RIT2: variants seen among roughly 807,000 people sequenced by gnomAD.
RIT2 encodes the protein GTP-binding protein Rit2.
In RIT2, 24 loss-of-function variants were observed where a neutral mutation model predicts 23.7. The observed-to-expected ratio is 1.01, with a 90% confidence interval of 0.73 to 1.43. The LOEUF is 1.43. RIT2 is among the 40% of genes most tolerant of loss of function. The pLI is 0.00. For missense variants in RIT2, 236 were observed against 266.9 expected (o/e 0.88, Z 0.81); for synonymous variants, 107 against 91.1 (o/e 1.17, Z -0.99).
chr18:42,818,384 T>C (rs1359397900), intron 4 of RIT2, among the ~76,000 whole-genome samples: 2 of 152,068 alleles, frequency 1.3e-5, no homozygotes, highest in African/African-American at 4.8e-5. Context: ...GATGCTTTTC[T>C]TCTGAGAAAT....
chr18:42,919,986 A>G (rs1332357991), intron 4 of RIT2, among the ~76,000 whole-genome samples: 3 of 152,084 alleles, frequency 2.0e-5, no homozygotes, highest in Non-Finnish European at 4.4e-5. Flanking sequence ...TTTGGACAGA[A>G]TTTTTTGGCT....
intron 4 of RIT2, among the ~76,000 whole-genome samples, chr18:42,882,026 C>T (rs1263084476): frequency 1.3e-5 from 2 of 152,160 alleles, no homozygotes; most frequent in African/African-American, 4.8e-5. Context: ...ATAAGCATTT[C>T]ATGCTTTTTT....
chr18:42,824,881 C>T (rs1013595825), intron 4 of RIT2, among the ~76,000 whole-genome samples: 3 of 151,692 alleles, frequency 2.0e-5, no homozygotes, highest in African/African-American at 7.3e-5. Flanking sequence ...AGAATTTCAG[C>T]AAGTTATTCT....
intron 4 of RIT2, among the ~76,000 whole-genome samples, chr18:42,759,712 TACACACACACACACACACACACAC>T (rs59733922): frequency 1.7e-4 from 23 of 131,662 alleles, no homozygotes; most frequent in African/African-American, 6.4e-4. Context: ...GTGTTAAATC[TACACACACACACACACACACACAC>T]ACACACACAC....
At chr18:42,969,654 T>C (rs1460126942) in intron 3 of RIT2, among the ~76,000 whole-genome samples, 3 of 150,792 alleles carry the variant, frequency 2.0e-5, no homozygotes, top group African/African-American at 7.3e-5. Context: ...TGGAATTGAC[T>C]GGATATGTTA....
intron 4 of RIT2, among the ~76,000 whole-genome samples, chr18:42,794,170 C>T (rs7238151): frequency 0.33 from 49,418 of 151,992 alleles, 10,741 homozygotes; most frequent in African/African-American, 0.61. Flanking sequence ...TCCTTCTTTT[C>T]CTCCTTCCAG....
chr18:42,981,422 G>A (rs571418978), intron 2 of RIT2, among the ~76,000 whole-genome samples: 2 of 152,230 alleles, frequency 1.3e-5, no homozygotes, highest in South Asian at 2.1e-4. Flanking sequence ...CCTCGGAGAG[G>A]ATTCCAATGT....
At chr18:42,989,990 A>G (rs1910802021) in intron 2 of RIT2, among the ~76,000 whole-genome samples, 1 of 144,770 alleles carries the variant, frequency 6.9e-6, no homozygotes, top group Non-Finnish European at 1.5e-5. Context: ...TATATATTAC[A>G]CGTTCTGTAT....
chr18:42,795,361 G>A (rs538722734), intron 4 of RIT2, among the ~76,000 whole-genome samples: 8 of 152,320 alleles, frequency 5.3e-5, no homozygotes, highest in South Asian at 4.1e-4. Context: ...GGGCAATGAG[G>A]GACTTAGCAC....
intron 4 of RIT2, among the ~76,000 whole-genome samples, chr18:42,811,722 G>C (rs1466846101): frequency 6.6e-6 from 1 of 151,992 alleles, no homozygotes; most frequent in South Asian, 2.1e-4. Flanking sequence ...TAGTTGAAAC[G>C]GAATGGAAGG....
At position 43,026,543 on chromosome 18, in the gene RIT2, ACT is replaced by A. The variant is rs75013559; in HGVS notation, c.160+7266_160+7267del. 7.2e-3 allele frequency among the ~76,000 whole-genome samples: 1,024 copies of A among 142,604 alleles called. 7 individuals are homozygous for A. The highest frequency in any genetic ancestry group is 0.013 in the Admixed American group (182 of 13,584). The allele number at this position is 142,604 out of a possible 152,430, so 93.6% of individuals were successfully genotyped here. ...CACTCCAGCCTGGCAACAGAGTAAGACTCTGTCAAAAAAAAAAGTAAGAAATA... is the reference window on the plus strand; with the variant it reads ...CACTCCAGCCTGGCAACAGAGTAAGACTGTCAAAAAAAAAAGTAAGAAATA... On this transcript the variant is annotated intron_variant, in intron 2 of 4. Transcript: ENST00000326695.
rs578063705 is a variant in RIT2, at chr18:43,050,620, C to T, written c.104-16753G>A. Among the ~76,000 whole-genome samples the T allele has an allele frequency of 9.9e-5, 15 of 152,184 alleles. No homozygotes were observed. The South Asian group carries it at 1.0e-3, about 11-fold the overall frequency. ...GGCCTCAGGGGCAGGCCTCAGGAAACGGAATCCCCTTCTGTCCTCCATCTG... is the reference window on the plus strand; with the variant it reads ...GGCCTCAGGGGCAGGCCTCAGGAAATGGAATCCCCTTCTGTCCTCCATCTG... On this transcript the variant is annotated intron_variant, in intron 1 of 4. Coordinates refer to ENST00000326695, the MANE Select transcript of RIT2 (RefSeq NM_002930.4).
intron 1 of RIT2, among the ~76,000 whole-genome samples, chr18:43,062,954 TG>T (rs1912685752): frequency 6.6e-6 from 1 of 152,108 alleles, no homozygotes; most frequent in South Asian, 2.1e-4. Context: ...TAGAAAATTT[TG>T]GGTTTTTTTT....
intron 4 of RIT2, among the ~76,000 whole-genome samples, chr18:42,758,454 T>C (rs1913217203): frequency 6.6e-6 from 1 of 152,010 alleles, no homozygotes; most frequent in Non-Finnish European, 1.5e-5. Context: ...CTCCTTTGAA[T>C]TGATGCTTTC....
chr18:42,925,308 C>T (rs1029210262), intron 3 of RIT2, among the ~76,000 whole-genome samples: 4 of 151,832 alleles, frequency 2.6e-5, no homozygotes, highest in East Asian at 3.9e-4. Flanking sequence ...AATCCTATGT[C>T]GCAATCAAAA....
At chr18:43,108,505 C>T (rs78769656) in intron 1 of RIT2, among the ~76,000 whole-genome samples, 314 of 152,156 alleles carry the variant, frequency 2.1e-3, no homozygotes, top group African/African-American at 7.3e-3. Flanking sequence ...AATGCGTGAA[C>T]GTAAAGAGCT....
At chr18:42,917,568 C>T (rs1455523230) in intron 4 of RIT2, among the ~76,000 whole-genome samples, 2 of 152,112 alleles carry the variant, frequency 1.3e-5, no homozygotes, top group Non-Finnish European at 1.5e-5. Flanking sequence ...AAATGCATCT[C>T]GCTGCTTCAT....
At chr18:43,092,271 T>C (rs776200792) in intron 1 of RIT2, among the ~76,000 whole-genome samples, 4 of 152,096 alleles carry the variant, frequency 2.6e-5, no homozygotes, top group Non-Finnish European at 4.4e-5. Flanking sequence ...GAGAGGCTTA[T>C]GGAGTTAGAA....
In RIT2 at chr18:42,752,821, T is replaced by C. The variant is rs1384888430; in HGVS notation, c.427-9101A>G. On this transcript the variant is annotated intron_variant, in intron 4 of 4. Transcript: ENST00000326695. ...GGGTAAGAAGCAATTGATGCAGATA[T>C]CATTATACCACAGTGCCCCTCAACT... Among the ~76,000 whole-genome samples, 5 of 152,262 alleles carry C rather than the reference T, an allele frequency of 3.3e-5. No individual in the cohort carries two copies. In the South Asian group the frequency reaches 1.0e-3, roughly 32 times the overall value.
Sources: allele counts gnomAD v4.1 joint callset (sites outside exome capture counted in the v4.1 genomes callset), GRCh38; gene constraint gnomAD v4.1.1; transcripts MANE v1.5; gene names NCBI Gene and HGNC (gene_info 2026-07-23, HGNC 2026-07-21).